BBS9: variants seen among roughly 807,000 people sequenced by gnomAD.
The protein encoded by BBS9 is protein PTHB1.
In BBS9, 89 loss-of-function variants were observed where a neutral mutation model predicts 117.7. The observed-to-expected ratio is 0.76, with a 90% CI of 0.64 to 0.90. The LOEUF (loss-of-function observed/expected upper bound fraction) is 0.90, where lower values mean the gene tolerates loss of function less well. Among genes scored for constraint, BBS9 ranks in the 40% least tolerant of loss-of-function variants. The probability of loss-of-function intolerance (pLI) is 0.00; values close to 1 mark genes in which losing one functional copy is unlikely to be tolerated. For synonymous variants in BBS9, 379 were observed against 370.9 expected (o/e 1.02, Z -0.25); for missense variants, 982 against 1,042.2 (o/e 0.94, Z 0.80).
chr7:33,522,507 G>C (rs1585113031), intron 20 of BBS9, among the ~76,000 whole-genome samples: 1 of 152,042 alleles, frequency 6.6e-6, no homozygotes. Flanking sequence ...GTGATGATGA[G>C]CATTTTTTCA....
At chr7:33,386,455 C>CATTTATTTATTT (rs35669997) in intron 18 of BBS9, among the ~76,000 whole-genome samples, 54 of 138,350 alleles carry the variant, frequency 3.9e-4, no homozygotes, top group East Asian at 2.3e-3. Context: ...AGCTTGCTTT[C>CATTTATTTATTT]ATTTATTTAT....
intron 19 of BBS9, among the ~76,000 whole-genome samples, chr7:33,436,014 A>G (rs142013497): frequency 1.4e-3 from 216 of 152,286 alleles, no homozygotes; most frequent in African/African-American, 4.7e-3. Context: ...GCCTTCCCCA[A>G]TTCTTTGAGA....
At chr7:33,462,108 A>C (rs1352134957) in intron 19 of BBS9, among the ~76,000 whole-genome samples, 1 of 152,110 alleles carries the variant, frequency 6.6e-6, no homozygotes, top group East Asian at 1.9e-4. Context: ...ATAATAAACT[A>C]AATCAAAATC....
Position 33,367,854 on chromosome 7 carries a change from A to G in BBS9, c.1781A>G (p.Lys594Arg). ...GGARITVLAS[K>R]TSQRYRIQSE... ...GCTCGAATTACTGTTCTTGCTTCCA[A>G]AACTTCTCGTAAGTAAAACCATGTT... Residue 594 changes from lysine (K) to arginine (R), a missense_variant, in exon 17 of 23, where the codon AAA (lysine) becomes AGA (arginine). Coordinates refer to ENST00000242067, the MANE Select transcript of BBS9 (RefSeq NM_198428.3). 6.2e-7 allele frequency: 1 copy of G among 1,613,716 alleles called. No individual in the cohort carries two copies. The highest frequency in any genetic ancestry group is 8.5e-7 in the Non-Finnish European group (1 of 1,179,690).
chr7:33,399,089 G>T (rs1828496171), intron 19 of BBS9, among the ~76,000 whole-genome samples: 1 of 152,100 alleles, frequency 6.6e-6, no homozygotes, highest in African/African-American at 2.4e-5. Context: ...TCAAAAATCT[G>T]GTTTATTTTA....
At chr7:33,598,904 C>T (rs1379377738) in intron 21 of BBS9, among the ~76,000 whole-genome samples, 1 of 152,134 alleles carries the variant, frequency 6.6e-6, no homozygotes, top group African/African-American at 2.4e-5. Flanking sequence ...CTACTTATGG[C>T]CCACAGGCCA....
intron 17 of BBS9, 33 bp downstream of exon 17, chr7:33,367,895 AT>A: frequency 1.3e-6 from 2 of 1,573,702 alleles, no homozygotes; most frequent in South Asian, 1.1e-5. Context: ...TGCTTTTTAA[AT>A]TTTTTTCTAA....
At chr7:33,569,175 G>C (rs545514952) in intron 21 of BBS9, among the ~76,000 whole-genome samples, 10 of 152,048 alleles carry the variant, frequency 6.6e-5, no homozygotes, top group Non-Finnish European at 1.0e-4. Context: ...CACTAATCTG[G>C]GTATTTTGAC....
chr7:33,533,193 G>A (rs1354552361), intron 20 of BBS9, among the ~76,000 whole-genome samples: 1 of 152,152 alleles, frequency 6.6e-6, no homozygotes, highest in African/African-American at 2.4e-5. Flanking sequence ...AGTCCTGCTG[G>A]TGCCAGTGCT....
intron 4 of BBS9, among the ~76,000 whole-genome samples, chr7:33,160,672 A>G (rs1280099640): frequency 2.0e-5 from 3 of 152,146 alleles, no homozygotes; most frequent in Non-Finnish European, 2.9e-5. Flanking sequence ...CAATGGGTGT[A>G]CAGTTCCAAG....
chr7:33,502,943 CT>C (rs1179600023), intron 19 of BBS9, among the ~76,000 whole-genome samples: 2 of 152,228 alleles, frequency 1.3e-5, no homozygotes, highest in Non-Finnish European at 2.9e-5. Flanking sequence ...AAAGCTTTTT[CT>C]TTTCTTCAGT....
Position 33,177,598 on chromosome 7 carries a change from T to G in BBS9, c.442+7T>G, listed in dbSNP as rs1470563544. ...TCATTTGGTGGTGTAAAAGGTAATT[T>G]GCTTTTAATCATGAGTATGCTATTT... On this transcript the variant is annotated splice_region_variant and intron_variant, in intron 5 of 22. Coordinates refer to ENST00000242067, the MANE Select transcript of BBS9 (RefSeq NM_198428.3). 5 of 1,575,588 alleles carry G rather than the reference T, an allele frequency of 3.2e-6. No individual in the cohort carries two copies. The highest frequency in any genetic ancestry group is 2.7e-5 in the African/African-American group (2 of 74,252).
At chr7:33,271,250 C>T (rs1399635341) in intron 7 of BBS9, among the ~76,000 whole-genome samples, 1 of 152,102 alleles carries the variant, frequency 6.6e-6, no homozygotes, top group African/African-American at 2.4e-5. Flanking sequence ...CTAACCAATA[C>T]AAAAAACACT....
chr7:33,476,721 A>G (rs1011173689), intron 19 of BBS9, among the ~76,000 whole-genome samples: 1 of 152,130 alleles, frequency 6.6e-6, no homozygotes, highest in African/African-American at 2.4e-5. Flanking sequence ...CATACTCAAA[A>G]TGGTTTGTTT....
At chr7:33,394,244 T>C (rs1827568096) in intron 19 of BBS9, among the ~76,000 whole-genome samples, 1 of 152,210 alleles carries the variant, frequency 6.6e-6, no homozygotes, top group Non-Finnish European at 1.5e-5. Context: ...GATTATGTCC[T>C]TTCCAGGGAC....
intron 5 of BBS9, among the ~76,000 whole-genome samples, chr7:33,213,294 C>T (rs185076890): frequency 1.1e-4 from 16 of 152,296 alleles, no homozygotes; most frequent in Admixed American, 3.3e-4. Flanking sequence ...TTCTGGCAGG[C>T]CACTGACCAT....
At position 33,264,286 on chromosome 7, in the gene BBS9, A is replaced by G. The variant is rs1372414591; in HGVS notation, c.618-4A>G. 6.8e-7 allele frequency: 1 copy of G among 1,480,730 alleles called. No homozygotes were observed. The highest frequency in any genetic ancestry group is 9.0e-7 in the Non-Finnish European group (1 of 1,107,702). The allele number at this position is 1,480,730 out of a possible 1,614,324, so 91.7% of individuals were successfully genotyped here. A position where few individuals can be genotyped will look rare whatever the true frequency, so the allele number is the denominator to read the frequency against. On this transcript the variant is annotated splice_polypyrimidine_tract_variant and splice_region_variant and intron_variant, in intron 6 of 22. Transcript: ENST00000242067. ...TTATAATTTTTTAAATTTCTTTCATACAGGTACCAGGTACTTGCTTTTGCA... is the reference window on the plus strand; with the variant it reads ...TTATAATTTTTTAAATTTCTTTCATGCAGGTACCAGGTACTTGCTTTTGCA...
intron 19 of BBS9, among the ~76,000 whole-genome samples, chr7:33,495,286 C>G (rs1844554790): frequency 6.6e-6 from 1 of 152,192 alleles, no homozygotes. Flanking sequence ...TGTCTTAGCA[C>G]TTGCTACCTT....
chr7:33,217,039 G>A (rs1789207186), intron 5 of BBS9, among the ~76,000 whole-genome samples: 2 of 152,150 alleles, frequency 1.3e-5, no homozygotes, highest in African/African-American at 4.8e-5. Flanking sequence ...AGGTTGCAGT[G>A]AGCTGAGATT....
Sources: allele counts gnomAD v4.1 joint callset (sites outside exome capture counted in the v4.1 genomes callset), GRCh38; gene constraint gnomAD v4.1.1; transcripts MANE v1.5; gene names NCBI Gene and HGNC (gene_info 2026-07-23, HGNC 2026-07-21).